The following FAM13B variants were observed in gnomAD, a reference collection of about 807,000 sequenced individuals.
FAM13B encodes the protein protein FAM13B.
In FAM13B, 60 loss-of-function variants were observed where a neutral mutation model predicts 117.3. The observed-to-expected ratio is 0.51, with a 90% CI of 0.42 to 0.63. The LOEUF is 0.63. Among genes scored for constraint, FAM13B ranks in the 30% least tolerant of loss-of-function variants. The pLI, the probability that FAM13B is intolerant of heterozygous loss-of-function variation, is 0.00. For synonymous variants in FAM13B, 332 were observed against 356.1 expected (o/e 0.93, Z 0.76); for missense variants, 972 against 1,091.9 (o/e 0.89, Z 1.55).
intron 10 of FAM13B, among the ~76,000 whole-genome samples, chr5:137,969,373 G>A (rs1327515354): frequency 1.3e-5 from 2 of 152,046 alleles, no homozygotes; most frequent in African/African-American, 4.8e-5. Context: ...ACGGCCGGGT[G>A]CTCCAACAGA....
chr5:138,019,108 T>C lies in FAM13B; in HGVS notation c.4A>G (p.Arg2Gly). 1 of 1,612,520 alleles carries C rather than the reference T, an allele frequency of 6.2e-7. No individual in the cohort carries two copies. Among genetic ancestry groups the C allele is most frequent in the Admixed American group, 1.7e-5 (1 of 59,580 alleles). The stretch of plus-strand genomic sequence containing the variant: ...CTCAAGGAAGGGGAGGAGCTCTTCC[T>C]CATATCTTTTTTGCAGCCAGAAATC... M[R>G]KSSSPSLSNC... The change falls in exon 3 of 24, where the codon AGG (arginine) becomes GGG (glycine). Residue 2 changes from arginine (R) to glycine (G), a missense_variant. Physicochemically the swap from Arg to Gly is moderately radical, Grantham distance 125. Coordinates refer to ENST00000689681, the MANE Select transcript of FAM13B (RefSeq NM_001385994.1).
At chr5:137,979,560 G>C (rs1775051339) in intron 10 of FAM13B, among the ~76,000 whole-genome samples, 1 of 152,080 alleles carries the variant, frequency 6.6e-6, no homozygotes, top group South Asian at 2.1e-4. Context: ...CAATATTCCA[G>C]AATTATCTTC....
intron 1 of FAM13B, 95 bp from the exon 2 acceptor site, chr5:138,021,292 A>T: frequency 2.2e-5 from 21 of 960,816 alleles, no homozygotes; most frequent in Non-Finnish European, 2.8e-5. Context: ...TTAAGAGGTT[A>T]CCTATATTGA....
chr5:137,981,077 A>AT (rs56799832), intron 10 of FAM13B, among the ~76,000 whole-genome samples: 1,073 of 60,454 alleles, frequency 0.018, 41 homozygotes, highest in African/African-American at 0.063. Context: ...ACACCTGGCT[A>AT]TTTTTTTTTT....
At chr5:137,999,628 G>C (rs536433147) in intron 7 of FAM13B, among the ~76,000 whole-genome samples, 1 of 152,238 alleles carries the variant, frequency 6.6e-6, no homozygotes, top group East Asian at 1.9e-4. Context: ...ATTTGTTACA[G>C]CAACACCCAC....
intron 10 of FAM13B, among the ~76,000 whole-genome samples, chr5:137,963,008 T>C (rs976023379): frequency 3.9e-5 from 6 of 152,140 alleles, no homozygotes; most frequent in Admixed American, 1.3e-4. Context: ...CCAAGTCTAA[T>C]ACAAATACCC....
chr5:138,003,893 T>C (rs1038443017), intron 7 of FAM13B, among the ~76,000 whole-genome samples: 1 of 152,232 alleles, frequency 6.6e-6, no homozygotes, highest in Non-Finnish European at 1.5e-5. Context: ...TCGATTTGAC[T>C]GTAGCCCAGA....
intron 20 of FAM13B, among the ~76,000 whole-genome samples, chr5:137,944,089 C>G (rs1309235256): frequency 6.6e-6 from 1 of 152,158 alleles, no homozygotes; most frequent in East Asian, 1.9e-4. Flanking sequence ...CTTGCCTATT[C>G]TAAATATTTC....
intron 1 of FAM13B, chr5:138,039,859 C>G (rs1791426577): frequency 6.6e-6 from 1 of 152,192 alleles, no homozygotes; most frequent in Non-Finnish European, 1.5e-5. Context: ...CTCTTTTCCA[C>G]TAGAGTATAT....
chr5:138,011,729 A>G, intron 5 of FAM13B, 39 bp downstream of exon 5: 1 of 1,520,760 alleles, frequency 6.6e-7, no homozygotes, highest in Non-Finnish European at 8.9e-7. Flanking sequence ...CACATATCTA[A>G]TTTTTAAAAA....
At chr5:138,018,621 T>C in intron 3 of FAM13B, 107 bp from the exon 4 acceptor site, 3 of 1,031,508 alleles carry the variant, frequency 2.9e-6, no homozygotes, top group Non-Finnish European at 4.3e-6. Flanking sequence ...GGAAAGCCTT[T>C]CTTGGCTCCC....
intron 7 of FAM13B, among the ~76,000 whole-genome samples, chr5:138,004,555 T>C (rs965744062): frequency 6.6e-6 from 1 of 152,204 alleles, no homozygotes; most frequent in Admixed American, 6.5e-5. Context: ...GCACTTGAAA[T>C]GTAGGTGGCA....
rs556869098 is a variant in FAM13B at position 138,003,203 on chromosome 5, G to A, written c.848+3787C>T. 3.3e-5 allele frequency among the ~76,000 whole-genome samples: 5 copies of A among 152,122 alleles called. 1 individual carries two copies. In the South Asian group the frequency reaches 6.2e-4, roughly 19 times the overall value. ...GTAATTTATAAAAATTTTTTAATATGAGCATCTTTAATAACAAATAGAATA... is the reference window on the plus strand; with the variant it reads ...GTAATTTATAAAAATTTTTTAATATAAGCATCTTTAATAACAAATAGAATA... On this transcript the variant is annotated intron_variant, in intron 7 of 23. Coordinates refer to ENST00000689681, the MANE Select transcript of FAM13B (RefSeq NM_001385994.1).
chr5:138,033,404 C>T (rs112702845), upstream of FAM13B, among the ~76,000 whole-genome samples: 5,136 of 152,284 alleles, frequency 0.034, 126 homozygotes, highest in Middle Eastern at 0.054. Context: ...GCCAGGCCCC[C>T]AGGGCGCCCA....
intron 23 of FAM13B, among the ~76,000 whole-genome samples, chr5:137,941,055 G>A (rs951518635): frequency 6.6e-6 from 1 of 151,990 alleles, no homozygotes; most frequent in African/African-American, 2.4e-5. Flanking sequence ...ACAGGTGCCC[G>A]CCACCACGCC....
upstream of FAM13B, among the ~76,000 whole-genome samples, chr5:138,037,866 T>G (rs1791305147): frequency 6.6e-6 from 1 of 152,188 alleles, no homozygotes; most frequent in Non-Finnish European, 1.5e-5. Context: ...GTAAAATAGA[T>G]AAAACAAACA....
intron 7 of FAM13B, among the ~76,000 whole-genome samples, chr5:138,001,418 T>C (rs1398402539): frequency 1.3e-5 from 2 of 152,188 alleles, no homozygotes; most frequent in Non-Finnish European, 2.9e-5. Flanking sequence ...AACAATATAT[T>C]TTATATTTCT....
chr5:138,049,634 A>C (rs1791745136), intron 1 of FAM13B, among the ~76,000 whole-genome samples: 3 of 152,170 alleles, frequency 2.0e-5, no homozygotes, highest in African/African-American at 2.4e-5. Context: ...TTACCAAGCA[A>C]AACAGGATTT....
At chr5:138,008,375 G>C (rs113988913) in intron 6 of FAM13B, among the ~76,000 whole-genome samples, 1 of 152,164 alleles carries the variant, frequency 6.6e-6, no homozygotes. Flanking sequence ...CCAGGAGGTC[G>C]GGGCTGCAGA....
Sources: allele counts gnomAD v4.1 joint callset (sites outside exome capture counted in the v4.1 genomes callset), GRCh38; gene constraint gnomAD v4.1.1; transcripts MANE v1.5; gene names NCBI Gene and HGNC (gene_info 2026-07-23, HGNC 2026-07-21).